SEZ6: variants seen among roughly 807,000 people sequenced by gnomAD.
The protein encoded by SEZ6 is seizure related 6 homolog.
Under a neutral mutation model 101.0 loss-of-function variants are expected in SEZ6, and 53 were observed. The observed-to-expected ratio is 0.52, with a 90% confidence interval of 0.42 to 0.66. The LOEUF is 0.66. SEZ6 is among the 30% of genes least tolerant of loss of function. The pLI, the probability that SEZ6 is intolerant of heterozygous loss-of-function variation, is 0.00. For synonymous variants in SEZ6, 488 were observed against 512.2 expected, an observed-to-expected ratio of 0.95 and a Z score of 0.64; for missense variants, 1,102 against 1,289.4, an observed-to-expected ratio of 0.85 and a Z score of 2.23.
At chr17:28,960,311 T>C in intron 7 of SEZ6, 194 bp downstream of exon 7, 1 of 729,138 alleles carries the variant, frequency 1.4e-6, no homozygotes, top group Non-Finnish European at 2.2e-6. Flanking sequence ...AGAGGTTTCC[T>C]GCAAAGCTGT....
intron 1 of SEZ6, among the ~76,000 whole-genome samples, chr17:28,983,812 T>C (rs1415074537): frequency 6.6e-6 from 1 of 151,972 alleles, no homozygotes; most frequent in East Asian, 1.9e-4. Flanking sequence ...GAAGGTCGCT[T>C]CCTCCGCACG....
intron 4 of SEZ6, among the ~76,000 whole-genome samples, chr17:28,966,065 C>A (rs1436351820): frequency 1.3e-5 from 2 of 151,258 alleles, no homozygotes; most frequent in East Asian, 3.9e-4. Context: ...ATCGCTTGGA[C>A]CGGGGAGATG....
At position 28,959,250 on chromosome 17, in the gene SEZ6, C is replaced by A; in HGVS notation, c.1911-29G>T. On this transcript the variant is annotated intron_variant, in intron 9 of 16. Transcript: ENST00000317338. The surrounding 1 kb of genome is among the most constrained non-coding windows in gnomAD (Gnocchi z 4.4). ...TGAAGGAGGAGCGTCAGGGCAGAGC[C>A]GGCCTGGGGGCCCGAGGATGGGCTG... 1 of 1,612,370 alleles carries A rather than the reference C, an allele frequency of 6.2e-7. No homozygotes were observed. The highest frequency in any genetic ancestry group is 8.5e-7 in the Non-Finnish European group (1 of 1,179,000).
intron 1 of SEZ6, among the ~76,000 whole-genome samples, chr17:28,985,971 TTCTCCGAGTGGGCTGGG>T (rs2041375717): frequency 6.6e-6 from 1 of 152,076 alleles, no homozygotes; most frequent in Admixed American, 6.5e-5. Flanking sequence ...GGGGGCTGCA[TTCTCCGAGTGGGCTGGG>T]TCCGGGAAAC....
chr17:28,996,307 A>G (rs2041539383), intron 1 of SEZ6, among the ~76,000 whole-genome samples: 2 of 152,006 alleles, frequency 1.3e-5, no homozygotes, highest in South Asian at 4.1e-4. Flanking sequence ...ATCGGCAGGC[A>G]GGAGGAATGA....
chr17:28,987,457 G>C (rs896731537), intron 1 of SEZ6, among the ~76,000 whole-genome samples: 1 of 152,126 alleles, frequency 6.6e-6, no homozygotes, highest in Non-Finnish European at 1.5e-5. Flanking sequence ...AATTCCATGC[G>C]CAACTGAAAT....
chr17:28,993,093 G>C (rs2041488196), intron 1 of SEZ6, among the ~76,000 whole-genome samples: 1 of 151,986 alleles, frequency 6.6e-6, no homozygotes, highest in Non-Finnish European at 1.5e-5. Flanking sequence ...CAGCCTCTGG[G>C]GTAGGATGGA....
intron 1 of SEZ6, among the ~76,000 whole-genome samples, chr17:28,992,449 T>C (rs1324711591): frequency 6.6e-6 from 1 of 152,110 alleles, no homozygotes; most frequent in Non-Finnish European, 1.5e-5. Context: ...TCCAAATACA[T>C]GCCTGTGCCA....
At chr17:28,992,370 G>A (rs577700146) in intron 1 of SEZ6, among the ~76,000 whole-genome samples, 1 of 152,278 alleles carries the variant, frequency 6.6e-6, no homozygotes, top group Non-Finnish European at 1.5e-5. Context: ...GTGCGTGTGT[G>A]TGTGGGCGTA....
chr17:28,973,144 C>A (rs987447820), intron 3 of SEZ6, among the ~76,000 whole-genome samples: 1 of 152,078 alleles, frequency 6.6e-6, no homozygotes, highest in Middle Eastern at 3.2e-3. Flanking sequence ...TTCATCCTCA[C>A]CGTGAATCTA....
chr17:28,986,448 A>G (rs560970964), intron 1 of SEZ6, among the ~76,000 whole-genome samples: 2 of 152,322 alleles, frequency 1.3e-5, no homozygotes, highest in South Asian at 4.1e-4. Context: ...GCCTGTGTTT[A>G]GGGGAAGCCT....
rs1451090985 is a variant in SEZ6, at chr17:28,970,090, G to A, written c.859-138C>T. On this transcript the variant is annotated intron_variant, in intron 3 of 16. Transcript: ENST00000317338. Reference sequence around the variant, plus strand: ...TTGAGCATCGGAGCCCCCAGGCCCTGAGCTGGGCACTTCAGCAGTGCAGGA... The same window carrying A: ...TTGAGCATCGGAGCCCCCAGGCCCTAAGCTGGGCACTTCAGCAGTGCAGGA... 78 of 726,388 alleles carry A rather than the reference G, an allele frequency of 1.1e-4. No homozygotes were observed. The East Asian group carries it at 2.5e-3, about 23-fold the overall frequency. The allele number at this position is 726,388 out of a possible 1,614,324, so 45.0% of individuals were successfully genotyped here. A position where few individuals can be genotyped will look rare whatever the true frequency, so the allele number is the denominator to read the frequency against.
chr17:28,982,053 G>T lies in SEZ6; in HGVS notation c.56-14C>A, dbSNP rs1380166590. 6.4e-7 allele frequency: 1 copy of T among 1,564,148 alleles called. No individual in the cohort carries two copies. Among genetic ancestry groups the T allele is most frequent in the Non-Finnish European group, 8.6e-7 (1 of 1,156,628 alleles). On this transcript the variant is annotated splice_polypyrimidine_tract_variant and intron_variant, in intron 1 of 16. Transcript: ENST00000317338. ...CTAAAGAGAGTCCTGAAATAATAAG[G>T]GATGGTCAGAGGTTCTCCCCCTGCT...
chr17:28,978,698 G>A (rs544779929), intron 3 of SEZ6, among the ~76,000 whole-genome samples: 1 of 152,200 alleles, frequency 6.6e-6, no homozygotes, highest in South Asian at 2.1e-4. Context: ...TGATTCAGGA[G>A]CCCTTAGAGA....
chr17:28,969,384 A>T (rs1291906209), intron 4 of SEZ6, among the ~76,000 whole-genome samples: 3 of 152,144 alleles, frequency 2.0e-5, no homozygotes, highest in Non-Finnish European at 4.4e-5. Flanking sequence ...CCTGAGAAAG[A>T]ACTCCTTGAG....
intron 1 of SEZ6, among the ~76,000 whole-genome samples, chr17:29,001,047 G>A (rs926053788): frequency 5.3e-5 from 8 of 152,178 alleles, no homozygotes; most frequent in Non-Finnish European, 1.2e-4. Context: ...CAGGCTGATG[G>A]CGTGACAGCT....
intron 1 of SEZ6, among the ~76,000 whole-genome samples, chr17:28,995,460 C>T (rs2041524224): frequency 1.3e-5 from 2 of 151,982 alleles, no homozygotes; most frequent in South Asian, 2.1e-4. Flanking sequence ...CTCCATGCTG[C>T]CCCATCATCT....
Position 28,957,110 on chromosome 17 carries a change from GC to G in SEZ6, c.2626del (p.Ala876ProfsTer66). The G allele has an allele frequency of 6.2e-7, 1 of 1,613,620 alleles. No homozygotes were observed. Among genetic ancestry groups the G allele is most frequent in the Non-Finnish European group, 8.5e-7 (1 of 1,179,620 alleles). On this transcript the variant is annotated frameshift_variant, in exon 13 of 17. Coordinates refer to ENST00000317338, the MANE Select transcript of SEZ6 (RefSeq NM_178860.5). LOFTEE classifies it high-confidence loss of function. ...GTGCCCAGGCACACACTTGATGCTG[GC>G]CTGGCCCTTCAGCACATAGCCAGGG... is the stretch of plus-strand genomic sequence containing the variant. Reference protein sequence around the residue: ...CAPGYVLKGQASIKCVPGHPS... With the variant: ...CAPGYVLKGQXSIKCVPGHPS...
chr17:28,988,843 C>T (rs1401979675), intron 1 of SEZ6, among the ~76,000 whole-genome samples: 3 of 152,348 alleles, frequency 2.0e-5, no homozygotes, highest in Middle Eastern at 3.4e-3. Context: ...AGGGGGTTTT[C>T]CCAAGTCACA....
Sources: gnomAD v4.1 joint callset for allele counts (sites outside exome capture counted in the v4.1 genomes callset) on GRCh38, gnomAD v4.1.1 for gene constraint, Gnocchi (gnomAD v3.1) non-coding constraint, MANE v1.5 for transcripts, NCBI Gene and HGNC (gene_info 2026-07-23, HGNC 2026-07-21) for gene names.